The following ZNF608 variants were observed in gnomAD, a reference collection of about 807,000 sequenced individuals.
ZNF608 encodes zinc finger protein 608.
A neutral mutation model predicts 109.0 loss-of-function variants in ZNF608; 12 were observed. That is an observed-to-expected ratio of 0.11 (90% CI 0.07 to 0.18). The LOEUF (loss-of-function observed/expected upper bound fraction) is 0.18. Among genes scored for constraint, ZNF608 ranks in the 10% least tolerant of loss-of-function variants. The pLI is 1.00. For synonymous variants in ZNF608, 732 were observed against 717.4 expected (o/e 1.02, Z -0.33); for missense variants, 1,707 against 1,879.3 (o/e 0.91, Z 1.70).
chr5:124,675,427 A>G (rs1013631060), intron 3 of ZNF608, among the ~76,000 whole-genome samples: 2 of 152,208 alleles, frequency 1.3e-5, no homozygotes, highest in African/African-American at 4.8e-5. Flanking sequence ...AAAATTTACA[A>G]AAAACACTTT....
At chr5:124,683,576 GAGTTT>G (rs1425742161) in intron 3 of ZNF608, among the ~76,000 whole-genome samples, 1 of 152,186 alleles carries the variant, frequency 6.6e-6, no homozygotes, top group Non-Finnish European at 1.5e-5. Context: ...CCAGTTCAAA[GAGTTT>G]AGTGAGTTGC....
chr5:124,644,035 CAG>C (rs1489490484), intron 6 of ZNF608, among the ~76,000 whole-genome samples: 1 of 152,130 alleles, frequency 6.6e-6, no homozygotes, highest in Non-Finnish European at 1.5e-5. Context: ...AGCAGACCAT[CAG>C]AGACTATGGA....
chr5:124,679,718 T>C (rs1379811932), intron 3 of ZNF608, among the ~76,000 whole-genome samples: 1 of 152,210 alleles, frequency 6.6e-6, no homozygotes, highest in Non-Finnish European at 1.5e-5. Flanking sequence ...TGACTGAATG[T>C]GCTTTGGTTA....
intron 3 of ZNF608, among the ~76,000 whole-genome samples, chr5:124,654,149 C>T (rs532498276): frequency 1.3e-5 from 2 of 152,216 alleles, no homozygotes; most frequent in East Asian, 3.9e-4. Context: ...AGGATAATGA[C>T]CATGTTGGCA....
chr5:124,745,165 A>C lies in ZNF608; in HGVS notation c.-176T>G. 2.1e-6 allele frequency: 3 copies of C among 1,397,912 alleles called. No individual in the cohort carries two copies. Among genetic ancestry groups the C allele is most frequent in the South Asian group, 3.5e-5 (2 of 57,206 alleles). The allele number at this position is 1,397,912 out of a possible 1,614,324, so 86.6% of individuals were successfully genotyped here. A position where few individuals can be genotyped will look rare whatever the true frequency, so the allele number is the denominator to read the frequency against. On this transcript the variant is annotated 5_prime_UTR_variant, in exon 2 of 10. Transcript: ENST00000513986. ...GATTTTACACCCTCAGTCCAGGTCC[A>C]CCTTTTCCTGTGAAGGGGGGGGGAA... is the stretch of plus-strand genomic sequence containing the variant.
rs527369077 is a variant in ZNF608 at position 124,707,008 on chromosome 5, G to A, written c.907-5739C>T. Among the ~76,000 whole-genome samples the A allele has an allele frequency of 4.6e-5, 7 of 152,276 alleles. No homozygotes were observed. The South Asian group carries it at 1.5e-3, about 32-fold the overall frequency. ...TGTGTGTAATCAGAGGGCTGGGTTG[G>A]GGGCGGGCAATCTGCAGGGAAACCC... On this transcript the variant is annotated intron_variant, in intron 2 of 9. Transcript: ENST00000513986.
In ZNF608 at chr5:124,646,861, T is replaced by C; in HGVS notation, c.3523A>G (p.Asn1175Asp). ...GATTTACCTGTCTCCTCAGTTTTATTAGGCACTGATGGCCCTAGTTTAGAA... is the reference window on the plus strand; with the variant it reads ...GATTTACCTGTCTCCTCAGTTTTATCAGGCACTGATGGCCCTAGTTTAGAA... ...NHSKLGPSVP[N>D]KTEETGKSQL... Residue 1175 changes from asparagine to aspartate, a missense_variant, in exon 5 of 10, where the codon AAT becomes GAT. Asn to Asp is a conservative substitution (Grantham distance 23). Coordinates refer to ENST00000513986, the MANE Select transcript of ZNF608 (RefSeq NM_020747.3). 6.2e-7 allele frequency: 1 copy of C among 1,614,244 alleles called. No homozygotes were observed.
At chr5:124,688,904 G>A (rs1752501334) in intron 3 of ZNF608, among the ~76,000 whole-genome samples, 2 of 152,148 alleles carry the variant, frequency 1.3e-5, no homozygotes, top group South Asian at 4.1e-4. Context: ...ATATTTAAAA[G>A]TGTATCTACC....
intron 2 of ZNF608, among the ~76,000 whole-genome samples, chr5:124,732,152 A>G (rs1039593843): frequency 2.6e-5 from 4 of 152,226 alleles, no homozygotes; most frequent in South Asian, 2.1e-4. Context: ...ACCAGAACTT[A>G]AAGCTAGGAG....
chr5:124,644,512 A>G lies in ZNF608; in HGVS notation c.3855T>C (p.Pro1285=), dbSNP rs1216373208. 6.2e-7 allele frequency: 1 copy of G among 1,614,146 alleles called. No homozygotes were observed. The highest frequency in any genetic ancestry group is 2.2e-5 in the East Asian group (1 of 44,878). The change falls in exon 6 of 10, where the codon CCT becomes CCC. Residue 1285 remains proline, a synonymous_variant. Coordinates refer to ENST00000513986, the MANE Select transcript of ZNF608 (RefSeq NM_020747.3). The stretch of plus-strand genomic sequence containing the variant: ...CCTCTTTAATGCTTGTTAACGATAC[A>G]GGAAGGCTGGGCACACCACTCTCTT... The part of the protein sequence containing the change: ...PNKESGVPSL[P]VSLTSIKEEP...
intron 2 of ZNF608, among the ~76,000 whole-genome samples, chr5:124,719,748 C>T (rs886408147): frequency 2.0e-5 from 3 of 152,148 alleles, no homozygotes; most frequent in Non-Finnish European, 4.4e-5. Flanking sequence ...GCAAAGGTTT[C>T]TGCGTTTGTG....
At position 124,701,125 on chromosome 5, in the gene ZNF608, C is replaced by T. The variant is rs1753033417; in HGVS notation, c.1051G>A (p.Gly351Ser). 1.2e-6 allele frequency: 2 copies of T among 1,614,020 alleles called. No homozygotes were observed. The highest frequency in any genetic ancestry group is 1.3e-5 in the African/African-American group (1 of 74,916). Residue 351 changes from glycine (G) to serine (S), a missense_variant, in exon 3 of 10, where the codon GGT (glycine) becomes AGT (serine). By Grantham distance (56) the Gly-to-Ser change is moderately conservative. Coordinates refer to ENST00000513986, the MANE Select transcript of ZNF608 (RefSeq NM_020747.3). Reference protein sequence around the residue: ...EQLLVRTRSVGVNTCEVGVVT... With the variant: ...EQLLVRTRSVSVNTCEVGVVT... ...ACTCCAACTTCACATGTATTGACAC[C>T]CACAGAACGAGTCCGAACCAAAAGC...
chr5:124,640,601 C>T (rs1165162013), intron 8 of ZNF608, among the ~76,000 whole-genome samples: 2 of 152,202 alleles, frequency 1.3e-5, no homozygotes, highest in African/African-American at 4.8e-5. Flanking sequence ...GGTATTCTAG[C>T]AAGTTGTAAA....
At chr5:124,716,273 A>T (rs1251068118) in intron 2 of ZNF608, among the ~76,000 whole-genome samples, 1 of 152,018 alleles carries the variant, frequency 6.6e-6, no homozygotes, top group Non-Finnish European at 1.5e-5. Flanking sequence ...GTATTTTTCC[A>T]TAGCACATTA....
intron 3 of ZNF608, among the ~76,000 whole-genome samples, chr5:124,658,667 A>G (rs1381074941): frequency 6.6e-6 from 1 of 152,012 alleles, no homozygotes. Context: ...TTTAAAGCCA[A>G]ATTTCCTCAT....
At chr5:124,737,900 A>G (rs116153037) in intron 2 of ZNF608, among the ~76,000 whole-genome samples, 3 of 152,358 alleles carry the variant, frequency 2.0e-5, no homozygotes, top group African/African-American at 7.2e-5. Flanking sequence ...CTTAAATTAA[A>G]AAGAACTTGT....
chr5:124,683,384 A>G (rs746306313), intron 3 of ZNF608, among the ~76,000 whole-genome samples: 1 of 152,214 alleles, frequency 6.6e-6, no homozygotes, highest in Non-Finnish European at 1.5e-5. Context: ...AAGAGCTCAT[A>G]ACTCATAATT....
At chr5:124,731,562 A>G (rs185682506) in intron 2 of ZNF608, among the ~76,000 whole-genome samples, 7 of 152,130 alleles carry the variant, frequency 4.6e-5, no homozygotes, top group African/African-American at 1.7e-4. Flanking sequence ...GTGGTGGCTC[A>G]TGCCTATAAT....
At chr5:124,694,142 A>AT (rs11320730) in intron 3 of ZNF608, among the ~76,000 whole-genome samples, 18,115 of 63,762 alleles carry the variant, frequency 0.28, 2,862 homozygotes, top group East Asian at 0.5. Flanking sequence ...CGCTCGGCTA[A>AT]TTTTTTTTTT....
Sources: gnomAD v4.1 joint callset for allele counts (sites outside exome capture counted in the v4.1 genomes callset) on GRCh38, gnomAD v4.1.1 for gene constraint, MANE v1.5 for transcripts, NCBI Gene and HGNC (gene_info 2026-07-23, HGNC 2026-07-21) for gene names.